Variants in RTN4 observed in about 807,000 individuals in gnomAD.
The protein encoded by RTN4 is reticulon 4.
In RTN4, 32 loss-of-function variants were observed where a neutral mutation model predicts 90.4. The observed-to-expected ratio is 0.35, with a 90% CI of 0.27 to 0.48. The LOEUF (loss-of-function observed/expected upper bound fraction) is 0.48. RTN4 is among the 20% of genes least tolerant of loss of function. The pLI, the probability that RTN4 is intolerant of heterozygous loss-of-function variation, is 0.99. For synonymous variants in RTN4, 629 were observed against 552.5 expected (o/e 1.14, Z -1.94); for missense variants, 1,706 against 1,430.2 (o/e 1.19, Z -3.11).
intron 1 of RTN4, among the ~76,000 whole-genome samples, chr2:55,033,596 G>A (rs55879444): frequency 0.031 from 4,668 of 152,188 alleles, 238 homozygotes; most frequent in African/African-American, 0.1. Context: ...ACATGGTATC[G>A]AGTGTTTTTA....
chr2:55,041,900 C>G (rs1395593362), intron 1 of RTN4, among the ~76,000 whole-genome samples: 1 of 151,778 alleles, frequency 6.6e-6, no homozygotes, highest in East Asian at 1.9e-4. Flanking sequence ...AATTTCTAAA[C>G]AGAAAAACAT....
At chr2:54,992,148 C>A (rs1258189493) in intron 3 of RTN4, among the ~76,000 whole-genome samples, 1 of 152,038 alleles carries the variant, frequency 6.6e-6, no homozygotes, top group African/African-American at 2.4e-5. Context: ...ACACAGAGAC[C>A]CCTCATCTCT....
chr2:55,079,428 A>C (rs1160785171), intron 2 of RTN4, among the ~76,000 whole-genome samples: 1 of 152,202 alleles, frequency 6.6e-6, no homozygotes, highest in Non-Finnish European at 1.5e-5. Context: ...CAAGTAACTT[A>C]GAAGAGTAAA....
intron 1 of RTN4, among the ~76,000 whole-genome samples, chr2:55,107,179 G>A (rs952000260): frequency 1.3e-5 from 2 of 151,592 alleles, no homozygotes; most frequent in Non-Finnish European, 2.9e-5. Context: ...TGTTTGTTGA[G>A]TGAGTTTTGT....
intron 2 of RTN4, among the ~76,000 whole-genome samples, chr2:55,070,872 G>A (rs917589029): frequency 5.9e-5 from 9 of 151,792 alleles, no homozygotes; most frequent in Admixed American, 2.0e-4. Flanking sequence ...TGTCTCCCGG[G>A]TTCACGCCAT....
chr2:54,986,777 G>A (rs759449900), intron 4 of RTN4, among the ~76,000 whole-genome samples: 5 of 152,054 alleles, frequency 3.3e-5, no homozygotes, highest in African/African-American at 7.2e-5. Context: ...CTTTTTGTGC[G>A]ATGAAAATAG....
intron 2 of RTN4, among the ~76,000 whole-genome samples, chr2:55,078,230 A>G (rs1358567280): frequency 1.3e-5 from 2 of 152,110 alleles, no homozygotes; most frequent in Non-Finnish European, 2.9e-5. Flanking sequence ...GTTTTATCAT[A>G]TTATTTTTAT....
intron 1 of RTN4, 61 bp from the exon 2 acceptor site, chr2:55,028,281 G>C: frequency 6.9e-7 from 1 of 1,448,620 alleles, no homozygotes; most frequent in African/African-American, 1.4e-5. Flanking sequence ...GGAGACTAAA[G>C]ATAAGAGGAG....
intron 3 of RTN4, among the ~76,000 whole-genome samples, chr2:55,020,448 T>C (rs1346842358): frequency 3.3e-5 from 5 of 151,276 alleles, no homozygotes; most frequent in African/African-American, 1.2e-4. Flanking sequence ...AGAACATTCA[T>C]TGGGGAAATG....
intron 4 of RTN4, among the ~76,000 whole-genome samples, chr2:54,984,148 G>C (rs1448938051): frequency 6.6e-6 from 1 of 151,994 alleles, no homozygotes; most frequent in Non-Finnish European, 1.5e-5. Context: ...CCCATACATA[G>C]AGCCTTATCT....
chr2:54,994,262 C>G (rs1464511179), intron 3 of RTN4, among the ~76,000 whole-genome samples: 1 of 152,070 alleles, frequency 6.6e-6, no homozygotes, highest in Non-Finnish European at 1.5e-5. Flanking sequence ...CAAAATCAGA[C>G]AAAGACATCA....
chr2:55,124,040 A>G, the RTN4 span, among the ~76,000 whole-genome samples: 1 of 152,204 alleles, frequency 6.6e-6, no homozygotes, highest in Non-Finnish European at 1.5e-5. Flanking sequence ...AGGCAAAATA[A>G]TGCAGAAACC....
chr2:54,998,936 CAT>C (rs1156546240), intron 3 of RTN4, among the ~76,000 whole-genome samples: 1 of 152,172 alleles, frequency 6.6e-6, no homozygotes, highest in Non-Finnish European at 1.5e-5. Context: ...AAGGGTTAAT[CAT>C]ACAAGGTAAC....
intron 1 of RTN4, among the ~76,000 whole-genome samples, chr2:55,106,744 A>G (rs1043876124): frequency 8.6e-5 from 13 of 151,808 alleles, no homozygotes; most frequent in African/African-American, 3.2e-4. Flanking sequence ...GGTCTCGAAC[A>G]CCTGACCCCA....
At chr2:55,105,299 G>C (rs1667925611) in intron 1 of RTN4, among the ~76,000 whole-genome samples, 1 of 134,174 alleles carries the variant, frequency 7.5e-6, no homozygotes, top group African/African-American at 2.8e-5. Flanking sequence ...GCACGATCTT[G>C]GCTCACTGCA....
At chr2:55,107,091 C>A (rs1667956645) in intron 1 of RTN4, among the ~76,000 whole-genome samples, 1 of 151,898 alleles carries the variant, frequency 6.6e-6, no homozygotes, top group African/African-American at 2.4e-5. Flanking sequence ...TTAAATCATG[C>A]CAAGGTTTTG....
At chr2:55,137,438 A>G in the RTN4 span, among the ~76,000 whole-genome samples, 1 of 152,188 alleles carries the variant, frequency 6.6e-6, no homozygotes, top group Non-Finnish European at 1.5e-5. Context: ...GAATACCTGG[A>G]CCACGTCAGT....
intron 3 of RTN4, among the ~76,000 whole-genome samples, chr2:55,024,764 A>C (rs1290707770): frequency 6.6e-6 from 1 of 152,122 alleles, no homozygotes; most frequent in African/African-American, 2.4e-5. Flanking sequence ...CTTGCTCTTC[A>C]TGTTATCAAG....
intron 2 of RTN4, among the ~76,000 whole-genome samples, chr2:55,075,896 A>C (rs1668590709): frequency 6.6e-6 from 1 of 152,202 alleles, no homozygotes; most frequent in South Asian, 2.1e-4. Flanking sequence ...ATGTAAAAGA[A>C]TGAAACTGGA....
Sources: allele counts gnomAD v4.1 joint callset (sites outside exome capture counted in the v4.1 genomes callset), GRCh38; gene constraint gnomAD v4.1.1; transcripts MANE v1.5; gene names NCBI Gene and HGNC (gene_info 2026-07-23, HGNC 2026-07-21).